NRG1: variants seen among roughly 807,000 people sequenced by gnomAD.
The protein encoded by NRG1 is neuregulin 1.
NRG1 carries 18 observed loss-of-function variants against 63.8 expected under a neutral mutation model. That is an observed-to-expected ratio of 0.28 (90% confidence interval 0.19 to 0.42). NRG1 has a LOEUF of 0.42. Among genes scored for constraint, NRG1 ranks in the 10% least tolerant of loss-of-function variants. The probability of loss-of-function intolerance (pLI) is 1.00; values close to 1 mark genes in which losing one functional copy is unlikely to be tolerated. For synonymous variants in NRG1, 302 were observed against 301.3 expected (o/e 1.00, Z -0.02); for missense variants, 762 against 814.7 (o/e 0.94, Z 0.79).
chr8:31,823,746 G>T (rs572614511), intron 1 of NRG1, among the ~76,000 whole-genome samples: 5 of 152,294 alleles, frequency 3.3e-5, no homozygotes, highest in African/African-American at 1.2e-4. Context: ...GGAAAGAAAA[G>T]TAACTTTGAT....
intron 1 of NRG1, among the ~76,000 whole-genome samples, chr8:32,433,146 G>A (rs1306861740): frequency 6.6e-6 from 1 of 152,108 alleles, no homozygotes; most frequent in African/African-American, 2.4e-5. Context: ...GGCTGGGTAG[G>A]ACATACTGGG....
At chr8:32,409,623 G>C (rs1417380740) in intron 1 of NRG1, among the ~76,000 whole-genome samples, 1 of 152,204 alleles carries the variant, frequency 6.6e-6, no homozygotes, top group African/African-American at 2.4e-5. Context: ...AGCAGGCACA[G>C]TTAATGGAAA....
At position 32,742,158 on chromosome 8, in the gene NRG1, G is replaced by A. The variant is rs554809449; in HGVS notation, c.633-517G>A. 8.5e-5 allele frequency: 92 copies of A among 1,081,196 alleles called. No homozygotes were observed. The highest frequency in any genetic ancestry group is 5.6e-4 in the East Asian group (23 of 41,044). 67.0% of individuals were successfully genotyped at this position (1,081,196 alleles called of 1,614,324 possible). A position where few individuals can be genotyped will look rare whatever the true frequency, so the allele number is the denominator to read the frequency against. ...CACTTGGTGCTTTTACAGCTCAGTC[G>A]TAACTGATTCATTTTGTTCTAATTA... On this transcript the variant is annotated intron_variant, in intron 6 of 11. Transcript: ENST00000356819. This position sits in a 1 kb window ranked among gnomAD's most constrained non-coding sequence, Gnocchi z 4.2.
intron 1 of NRG1, among the ~76,000 whole-genome samples, chr8:32,027,444 CCTTCCTTCCTTCCT>C (rs1402757558): frequency 7.0e-4 from 91 of 130,288 alleles, no homozygotes; most frequent in Middle Eastern, 3.7e-3. Flanking sequence ...TTCCTTCCTT[CCTTCCTTCCTTCCT>C]TCCTTCCTTC....
intron 5 of NRG1, among the ~76,000 whole-genome samples, chr8:32,623,172 T>C (rs1410648621): frequency 6.6e-6 from 1 of 152,170 alleles, no homozygotes; most frequent in East Asian, 1.9e-4. Flanking sequence ...CATAATGAGA[T>C]AGAATGGTTT....
At chr8:32,582,377 C>G (rs1034110161) in intron 1 of NRG1, among the ~76,000 whole-genome samples, 1 of 152,148 alleles carries the variant, frequency 6.6e-6, no homozygotes, top group African/African-American at 2.4e-5. Flanking sequence ...GGATTACAGG[C>G]GTGAGACACG....
intron 1 of NRG1, among the ~76,000 whole-genome samples, chr8:32,009,394 C>A (rs770625884): frequency 1.3e-5 from 2 of 152,008 alleles, no homozygotes; most frequent in Non-Finnish European, 2.9e-5. Flanking sequence ...TGAGTGTGTA[C>A]TCTATGTCAG....
intron 1 of NRG1, among the ~76,000 whole-genome samples, chr8:32,088,108 C>T (rs773820942): frequency 1.3e-5 from 2 of 152,112 alleles, no homozygotes; most frequent in South Asian, 2.1e-4. Flanking sequence ...AGAGTTCAAT[C>T]GTACCCCATC....
intron 1 of NRG1, among the ~76,000 whole-genome samples, chr8:32,407,899 T>C (rs562143916): frequency 6.6e-6 from 1 of 152,296 alleles, no homozygotes; most frequent in Admixed American, 6.5e-5. Flanking sequence ...TGTAACTGAT[T>C]AAACTCTGGT....
intron 1 of NRG1, among the ~76,000 whole-genome samples, chr8:32,338,631 A>G (rs1327296237): frequency 6.6e-6 from 1 of 152,172 alleles, no homozygotes; most frequent in Admixed American, 6.5e-5. Flanking sequence ...TTCATTCTCA[A>G]TGAGCCCCAA....
chr8:32,451,877 G>A (rs1357876195), intron 1 of NRG1, among the ~76,000 whole-genome samples: 3 of 152,150 alleles, frequency 2.0e-5, no homozygotes, highest in Admixed American at 6.5e-5. Flanking sequence ...CCAGGCTAGA[G>A]TGCAGTGGTA....
intron 1 of NRG1, among the ~76,000 whole-genome samples, chr8:32,471,612 T>TA: frequency 6.6e-6 from 1 of 152,260 alleles, no homozygotes; most frequent in South Asian, 2.1e-4. Context: ...AACAAAGCCT[T>TA]ACGTATTTTT....
intron 1 of NRG1, among the ~76,000 whole-genome samples, chr8:32,147,383 T>G (rs1316854824): frequency 6.6e-6 from 1 of 152,224 alleles, no homozygotes; most frequent in African/African-American, 2.4e-5. Context: ...AGGAATAGTT[T>G]AATTGCATAT....
intron 1 of NRG1, among the ~76,000 whole-genome samples, chr8:32,116,538 C>G (rs1393673723): frequency 6.6e-6 from 1 of 152,118 alleles, no homozygotes; most frequent in East Asian, 1.9e-4. Context: ...CTAAAGAACT[C>G]TATTAGGCAA....
intron 1 of NRG1, among the ~76,000 whole-genome samples, chr8:32,483,427 C>T (rs551091955): frequency 5.4e-4 from 82 of 152,308 alleles, no homozygotes; most frequent in Middle Eastern, 3.4e-3. Context: ...ACTCCATCTC[C>T]GGCTTTTCCT....
intron 5 of NRG1, among the ~76,000 whole-genome samples, chr8:32,658,440 G>T (rs749766295): frequency 3.3e-5 from 5 of 152,092 alleles, no homozygotes; most frequent in African/African-American, 1.2e-4. Flanking sequence ...TTATAACTTT[G>T]TTGACCCCTG....
chr8:31,859,480 G>A (rs1828264205), intron 1 of NRG1, among the ~76,000 whole-genome samples: 1 of 152,138 alleles, frequency 6.6e-6, no homozygotes, highest in Non-Finnish European at 1.5e-5. Flanking sequence ...TCCCCTGAGA[G>A]TATACCTAAC....
chr8:31,639,450 C>A, intron 1 of NRG1: 2 of 1,533,520 alleles, frequency 1.3e-6, no homozygotes, highest in Non-Finnish European at 1.7e-6. Context: ...GCTGGCGAGG[C>A]GCAGGACGCT....
intron 1 of NRG1, among the ~76,000 whole-genome samples, chr8:32,102,517 A>G (rs1175160475): frequency 1.3e-5 from 2 of 152,242 alleles, no homozygotes; most frequent in Admixed American, 6.5e-5. Flanking sequence ...AGGAATTTAC[A>G]GTCTGGAGAA....
Sources: gnomAD v4.1 joint callset for allele counts (sites outside exome capture counted in the v4.1 genomes callset) on GRCh38, gnomAD v4.1.1 for gene constraint, Gnocchi (gnomAD v3.1) non-coding constraint, MANE v1.5 for transcripts, NCBI Gene and HGNC (gene_info 2026-07-23, HGNC 2026-07-21) for gene names.